RNF8: variants seen among roughly 807,000 people sequenced by gnomAD.
RNF8 encodes the protein E3 ubiquitin-protein ligase RNF8.
A neutral mutation model predicts 59.3 loss-of-function variants in RNF8; 8 were observed. The ratio of observed to expected loss-of-function variants is 0.13; its 90% CI spans 0.08 to 0.24. RNF8 has a LOEUF of 0.24. Ranked by LOEUF, RNF8 falls within the 10% of genes least tolerant of loss-of-function variation. The pLI is 1.00. For synonymous variants in RNF8, 162 were observed against 200.0 expected (o/e 0.81, Z 1.60); for missense variants, 406 against 572.6 (o/e 0.71, Z 2.97).
At chr6:37,376,878 C>T (rs1173672388) in intron 5 of RNF8, 48 bp from the exon 6 acceptor site, 1 of 1,345,502 alleles carries the variant, frequency 7.4e-7, no homozygotes, top group East Asian at 2.3e-5. Context: ...TCCCATTTTG[C>T]ATTTTTGTTG....
At chr6:37,364,256 A>G (rs1158762154) in intron 2 of RNF8, among the ~76,000 whole-genome samples, 4 of 148,894 alleles carry the variant, frequency 2.7e-5, no homozygotes, top group Admixed American at 2.0e-4. Context: ...CATTTATACA[A>G]TGTTTAAAAC....
intron 2 of RNF8, chr6:37,361,466 T>G (rs1463187308): frequency 4.9e-6 from 2 of 410,680 alleles, no homozygotes; most frequent in Non-Finnish European, 9.7e-6. Flanking sequence ...GTGGCTGACA[T>G]AGTGAAGCCC....
Position 37,362,727 on chromosome 6 carries a change from C to G in RNF8, c.240+2153C>G, listed in dbSNP as rs570791277. ...CTGTGGTTGTGTTTGAAGTCATTTG[C>G]CAAATCTTTTTCAAGAGATAGGTGT... On this transcript the variant is annotated intron_variant, in intron 2 of 7. Transcript: ENST00000373479. Among the ~76,000 whole-genome samples the G allele has an allele frequency of 3.9e-5, 6 of 152,260 alleles. No individual in the cohort carries two copies. The South Asian group carries it at 1.2e-3, about 32-fold the overall frequency.
chr6:37,364,980 G>A (rs544208139), intron 2 of RNF8, among the ~76,000 whole-genome samples: 1 of 152,202 alleles, frequency 6.6e-6, no homozygotes, highest in Non-Finnish European at 1.5e-5. Flanking sequence ...TGTTGGCCAG[G>A]CTGGTCTTGA....
chr6:37,355,152 A>G (rs1769066848), intron 1 of RNF8, among the ~76,000 whole-genome samples: 1 of 152,172 alleles, frequency 6.6e-6, no homozygotes, highest in Non-Finnish European at 1.5e-5. Context: ...AGCGTGGTGC[A>G]TCTTGAAAAG....
intron 1 of RNF8, among the ~76,000 whole-genome samples, chr6:37,356,160 T>C (rs1203604177): frequency 6.6e-6 from 1 of 152,206 alleles, no homozygotes; most frequent in Non-Finnish European, 1.5e-5. Context: ...TAGTTCTTTA[T>C]GGGGCCAGTT....
intron 4 of RNF8, among the ~76,000 whole-genome samples, chr6:37,374,187 AAGC>A (rs1280406542): frequency 6.6e-6 from 1 of 152,234 alleles, no homozygotes; most frequent in African/African-American, 2.4e-5. Flanking sequence ...TATTTCATAA[AAGC>A]TGCTTCCAGT....
chr6:37,360,642 A>G lies in RNF8; in HGVS notation c.240+68A>G. 1 of 1,379,320 alleles carries G rather than the reference A, an allele frequency of 7.2e-7. No individual in the cohort carries two copies. Among genetic ancestry groups the G allele is most frequent in the Non-Finnish European group, 9.9e-7 (1 of 1,011,634 alleles). The allele number at this position is 1,379,320 out of a possible 1,614,324, so 85.4% of individuals were successfully genotyped here. A position where few individuals can be genotyped will look rare whatever the true frequency, so the allele number is the denominator to read the frequency against. On this transcript the variant is annotated intron_variant, in intron 2 of 7. Transcript: ENST00000373479. The surrounding 1 kb of genome is among the most constrained non-coding windows in gnomAD (Gnocchi z 4.2). ...AAATTACTTTTTTTTTTTTTTGCAT[A>G]GGTAATTCATGGTATAAAATTCAAA...
At position 37,360,404 on chromosome 6, in the gene RNF8, A is replaced by C; in HGVS notation, c.112-42A>C. 6.2e-7 allele frequency: 1 copy of C among 1,610,546 alleles called. No homozygotes were observed. Among genetic ancestry groups the C allele is most frequent in the South Asian group, 1.1e-5 (1 of 90,922 alleles). Reference sequence around the variant, plus strand: ...TTTGTAAAGGACCTCCCTTTTCAGCACAATGACTGATGGTATTTCTTGCAT... The same window carrying C: ...TTTGTAAAGGACCTCCCTTTTCAGCCCAATGACTGATGGTATTTCTTGCAT... On this transcript the variant is annotated intron_variant, in intron 1 of 7. Coordinates refer to ENST00000373479, the MANE Select transcript of RNF8 (RefSeq NM_003958.4). This position sits in a 1 kb window ranked among gnomAD's most constrained non-coding sequence, Gnocchi z 4.2.
At position 37,360,704 on chromosome 6, in the gene RNF8, T is replaced by A. The variant is rs1216848611; in HGVS notation, c.240+130T>A. On this transcript the variant is annotated intron_variant, in intron 2 of 7. Transcript: ENST00000373479. The surrounding 1 kb of genome is among the most constrained non-coding windows in gnomAD (Gnocchi z 4.2). ...TTCTTTCCTAGCCATCCAGTTCCCTTTTCCAGAGGCAGCCACTTCCATATG... is the reference window on the plus strand; with the variant it reads ...TTCTTTCCTAGCCATCCAGTTCCCTATTCCAGAGGCAGCCACTTCCATATG... The A allele has an allele frequency of 1.1e-6, 1 of 885,770 alleles. No individual in the cohort carries two copies. The highest frequency in any genetic ancestry group is 1.7e-5 in the African/African-American group (1 of 58,594). 54.9% of individuals were successfully genotyped at this position (885,770 alleles called of 1,614,324 possible).
At chr6:37,386,513 G>A (rs572866797) in intron 7 of RNF8, among the ~76,000 whole-genome samples, 1 of 152,320 alleles carries the variant, frequency 6.6e-6, no homozygotes, top group South Asian at 2.1e-4. Context: ...CTAAATGTAT[G>A]GAAGATTGAG....
At chr6:37,369,360 C>G in intron 3 of RNF8, 142 bp downstream of exon 3, 1 of 1,037,598 alleles carries the variant, frequency 9.6e-7, no homozygotes, top group Non-Finnish European at 1.4e-6. Context: ...GAACAGTAAA[C>G]TTTTGAGATA....
In RNF8 at chr6:37,369,027, C is replaced by A; in HGVS notation, c.784C>A (p.Gln262Lys). The A allele has an allele frequency of 6.2e-7, 1 of 1,614,184 alleles. No individual in the cohort carries two copies. The highest frequency in any genetic ancestry group is 1.1e-5 in the South Asian group (1 of 91,086). ...TMSRILRLKI[Q>K]MQEKHEAVMN... ...GTCCAGGATTCTGAGGCTCAAAATA[C>A]AGATGCAGGAAAAACATGAAGCCGT... is the stretch of plus-strand genomic sequence containing the variant. Residue 262 changes from glutamine (Q) to lysine (K), a missense_variant, in exon 3 of 8, where the codon CAG becomes AAG. By Grantham distance (53) the Gln-to-Lys change is moderately conservative. This residue lies in a region of RNF8 where 285 missense variants were observed against 342.0 expected (regional missense o/e 0.83). Transcript: ENST00000373479.
rs1770790657 is a variant in RNF8 at position 37,393,826 on chromosome 6, C to T, written c.*3068C>T. 6.6e-6 allele frequency: 1 copy of T among 152,246 alleles called. No homozygotes were observed. Among genetic ancestry groups the T allele is most frequent in the South Asian group, 2.1e-4 (1 of 4,828 alleles). 9.4% of individuals were successfully genotyped at this position (152,246 alleles called of 1,614,324 possible). ...CTGTTGTACAGAAAGACCTGCATTT[C>T]CCCCTTGTCTCCAGTTCTCTCACTA... On this transcript the variant is annotated 3_prime_UTR_variant, in exon 8 of 8. Coordinates refer to ENST00000373479, the MANE Select transcript of RNF8 (RefSeq NM_003958.4).
intron 3 of RNF8, among the ~76,000 whole-genome samples, chr6:37,369,475 G>C (rs1201435577): frequency 6.6e-6 from 1 of 152,230 alleles, no homozygotes; most frequent in Non-Finnish European, 1.5e-5. Flanking sequence ...GAGCCAGCCA[G>C]GGCATAACTC....
chr6:37,364,766 A>AT (rs1327676546), intron 2 of RNF8, among the ~76,000 whole-genome samples: 6 of 151,858 alleles, frequency 4.0e-5, no homozygotes, highest in South Asian at 4.2e-4. Context: ...TAGTGGCTTT[A>AT]TTTTTTTTGT....
intron 7 of RNF8, 145 bp downstream of exon 7, chr6:37,381,499 G>GT: frequency 1.4e-6 from 1 of 706,424 alleles, no homozygotes; most frequent in Non-Finnish European, 2.3e-6. Flanking sequence ...AGTAAAGGGA[G>GT]TTAAAGATAA....
intron 1 of RNF8, among the ~76,000 whole-genome samples, chr6:37,355,817 A>G (rs975040569): frequency 5.3e-5 from 8 of 152,168 alleles, no homozygotes; most frequent in Non-Finnish European, 1.0e-4. Flanking sequence ...TTCCAACAGC[A>G]TATGTTTGTG....
intron 6 of RNF8, among the ~76,000 whole-genome samples, chr6:37,379,329 G>T (rs1422706897): frequency 2.0e-5 from 3 of 152,002 alleles, no homozygotes; most frequent in East Asian, 1.9e-4. Flanking sequence ...TATCAGATAG[G>T]TTTTCAGTAC....
Sources: allele counts gnomAD v4.1 joint callset (sites outside exome capture counted in the v4.1 genomes callset), GRCh38; gene constraint gnomAD v4.1.1; regional missense constraint gnomAD v4.1.1; non-coding constraint Gnocchi (gnomAD v3.1); transcripts MANE v1.5; gene names NCBI Gene and HGNC (gene_info 2026-07-23, HGNC 2026-07-21).